The following SCYL2 variants were observed in gnomAD, a reference collection of about 807,000 sequenced individuals.
The protein encoded by SCYL2 is SCY1-like protein 2.
SCYL2 carries 36 observed loss-of-function variants against 100.4 expected under a neutral mutation model. The observed-to-expected ratio is 0.36, with a 90% CI of 0.27 to 0.47. SCYL2 has a LOEUF of 0.47. Ranked by LOEUF, SCYL2 falls within the 20% of genes least tolerant of loss-of-function variation. SCYL2 has a pLI of 1.00. For missense variants in SCYL2, 902 were observed against 1,083.9 expected (o/e 0.83, Z 2.36); for synonymous variants, 330 against 359.2 (o/e 0.92, Z 0.92).
At chr12:100,327,961 A>C (rs917854844) in intron 12 of SCYL2, among the ~76,000 whole-genome samples, 2 of 152,074 alleles carry the variant, frequency 1.3e-5, no homozygotes, top group African/African-American at 4.8e-5. Context: ...GGGATATCGC[A>C]TGAATCTTTT....
At chr12:100,320,237 C>T (rs1033592087) in intron 10 of SCYL2, among the ~76,000 whole-genome samples, 5 of 151,974 alleles carry the variant, frequency 3.3e-5, no homozygotes, top group African/African-American at 9.7e-5. Flanking sequence ...TTCCTCATCC[C>T]GGCTGTTATT....
At chr12:100,271,361 G>A (rs568703062) in intron 1 of SCYL2, among the ~76,000 whole-genome samples, 17 of 151,300 alleles carry the variant, frequency 1.1e-4, no homozygotes, top group African/African-American at 2.2e-4. Context: ...ATAAGCACAC[G>A]TATTTTCCCC....
intron 17 of SCYL2, among the ~76,000 whole-genome samples, chr12:100,338,146 T>C (rs535863377): frequency 6.6e-6 from 1 of 152,354 alleles, no homozygotes; most frequent in South Asian, 2.1e-4. Flanking sequence ...TTGTAGGTAC[T>C]TTTTTAAGAA....
Position 100,270,148 on chromosome 12 carries a change from G to A in SCYL2, c.-29+2356G>A, listed in dbSNP as rs572095974. On this transcript the variant is annotated intron_variant, in intron 1 of 17. Transcript: ENST00000360820. ...ACTACAGGCGCCCACCACCAGGCCTGGCTAATTTTTTGTATTTTTAGTAGA... is the reference window on the plus strand; with the variant it reads ...ACTACAGGCGCCCACCACCAGGCCTAGCTAATTTTTTGTATTTTTAGTAGA... Among the ~76,000 whole-genome samples the A allele has an allele frequency of 8.5e-5, 13 of 152,048 alleles. No homozygotes were observed. The South Asian group carries it at 2.7e-3, about 32-fold the overall frequency.
chr12:100,304,428 C>T (rs924504106), intron 4 of SCYL2, among the ~76,000 whole-genome samples: 4 of 152,100 alleles, frequency 2.6e-5, no homozygotes, highest in East Asian at 1.9e-4. Context: ...TTGCAAAGAC[C>T]GTGGGAAAAG....
intron 1 of SCYL2, among the ~76,000 whole-genome samples, chr12:100,277,599 T>C (rs1054834536): frequency 3.3e-5 from 5 of 152,214 alleles, no homozygotes; most frequent in African/African-American, 7.2e-5. Context: ...TTTTATACTT[T>C]TAAAGTGGGT....
intron 4 of SCYL2, among the ~76,000 whole-genome samples, chr12:100,310,197 C>T (rs1364433881): frequency 6.6e-6 from 1 of 152,110 alleles, no homozygotes; most frequent in East Asian, 1.9e-4. Context: ...CGGGGTTTCC[C>T]CATGTTGGCT....
chr12:100,283,243 C>CT, intron 2 of SCYL2, 96 bp downstream of exon 2: 1 of 1,020,712 alleles, frequency 9.8e-7, no homozygotes, highest in Non-Finnish European at 1.4e-6. Context: ...GCCAAAAGTT[C>CT]TTTAATAGGT....
chr12:100,330,830 CTTTTTTTTTT>C (rs71088179), intron 13 of SCYL2, among the ~76,000 whole-genome samples: 1 of 134,106 alleles, frequency 7.5e-6, no homozygotes, highest in Non-Finnish European at 1.6e-5. Flanking sequence ...AATTTTTTTT[CTTTTTTTTTT>C]TTTTTTGAGA....
intron 1 of SCYL2, among the ~76,000 whole-genome samples, chr12:100,279,897 A>T (rs1211374013): frequency 6.6e-6 from 1 of 152,186 alleles, no homozygotes; most frequent in Non-Finnish European, 1.5e-5. Context: ...CATGAAGGGG[A>T]CCAGTTTGCA....
rs937523167 is a variant in SCYL2 at position 100,313,440 on chromosome 12, A to G, written c.871A>G (p.Ser291Gly). 46 of 1,582,514 alleles carry G rather than the reference A, an allele frequency of 2.9e-5. No homozygotes were observed. Among genetic ancestry groups the G allele is most frequent in the Middle Eastern group, 3.6e-4 (2 of 5,622 alleles). ...TGAATAGTTGAGTCGTTTAGGATCT[A>G]GTTCACTTACAAATATACCTGAGGA... is the stretch of plus-strand genomic sequence containing the variant. The part of the protein sequence containing the change: ...QLDQLSRLGS[S>G]SLTNIPEEVR... The change falls in exon 7 of 18, where the codon AGT becomes GGT. Residue 291 changes from serine (S) to glycine (G), a missense_variant. Ser to Gly is a moderately conservative substitution (Grantham distance 56). Coordinates refer to ENST00000360820, the MANE Select transcript of SCYL2 (RefSeq NM_017988.6).
intron 17 of SCYL2, 96 bp from the exon 18 acceptor site, chr12:100,338,432 C>A: frequency 8.8e-7 from 1 of 1,138,094 alleles, no homozygotes. Context: ...GAGCTTAATT[C>A]TAACTTGTCC....
intron 3 of SCYL2, among the ~76,000 whole-genome samples, chr12:100,294,431 G>T (rs2096315217): frequency 8.6e-6 from 1 of 116,544 alleles, no homozygotes; most frequent in Admixed American, 8.2e-5. Context: ...CGGGCGGGGG[G>T]GCTCCTCACT....
At position 100,339,457 on chromosome 12, in the gene SCYL2, T is replaced by C. The variant is rs1700581879; in HGVS notation, c.*285T>C. ...AAAAAGGAAACTGAGTTATCTTGAA[T>C]AACATAACTTTTTAATCAAATGTTT... On this transcript the variant is annotated 3_prime_UTR_variant, in exon 18 of 18. Coordinates refer to ENST00000360820, the MANE Select transcript of SCYL2 (RefSeq NM_017988.6). 1.4e-5 allele frequency: 5 copies of C among 359,794 alleles called. No homozygotes were observed. The South Asian group carries it at 2.2e-4, about 16-fold the overall frequency. 22.3% of individuals were successfully genotyped at this position (359,794 alleles called of 1,614,324 possible).
chr12:100,322,959 T>C (rs1592963783), intron 10 of SCYL2, among the ~76,000 whole-genome samples: 1 of 150,138 alleles, frequency 6.7e-6, no homozygotes, highest in Admixed American at 6.6e-5. Context: ...GACTGGGAGG[T>C]TGATGCTGCA....
At chr12:100,335,790 A>T (rs1214492282) in intron 15 of SCYL2, 21 bp from the exon 16 acceptor site, 21 of 1,604,010 alleles carry the variant, frequency 1.3e-5, no homozygotes, top group Non-Finnish European at 1.8e-5. Context: ...TATTTAAATT[A>T]TTGACATTTT....
chr12:100,287,527 T>A (rs1334786662), intron 2 of SCYL2, among the ~76,000 whole-genome samples: 1 of 152,210 alleles, frequency 6.6e-6, no homozygotes, highest in Non-Finnish European at 1.5e-5. Context: ...TTGTGACAAA[T>A]ACTACAGTCT....
Position 100,339,645 on chromosome 12 carries a change from CAGTG to C in SCYL2, c.*476_*479del, listed in dbSNP as rs1013961793. 2 of 154,382 alleles carry C rather than the reference CAGTG, an allele frequency of 1.3e-5. No individual in the cohort carries two copies. The highest frequency in any genetic ancestry group is 2.9e-5 in the Non-Finnish European group (2 of 69,662). 9.6% of individuals were successfully genotyped at this position (154,382 alleles called of 1,614,324 possible). On this transcript the variant is annotated 3_prime_UTR_variant, in exon 18 of 18. Coordinates refer to ENST00000360820, the MANE Select transcript of SCYL2 (RefSeq NM_017988.6). Reference sequence around the variant, plus strand: ...ATTGATTTGTTTGCATTTAAGATGACAGTGAGAAAATGATAAGCATAAAGAGAAG... The same window carrying C: ...ATTGATTTGTTTGCATTTAAGATGACAGAAAATGATAAGCATAAAGAGAAG...
intron 4 of SCYL2, among the ~76,000 whole-genome samples, chr12:100,299,493 C>T (rs2096324990): frequency 6.6e-6 from 1 of 152,166 alleles, no homozygotes. Flanking sequence ...CTTCCTCATA[C>T]TCCTTGTAAT....
Sources: gnomAD v4.1 joint callset for allele counts (sites outside exome capture counted in the v4.1 genomes callset) on GRCh38, gnomAD v4.1.1 for gene constraint, MANE v1.5 for transcripts, NCBI Gene and HGNC (gene_info 2026-07-23, HGNC 2026-07-21) for gene names.